RACGAP1: variants seen among roughly 807,000 people sequenced by gnomAD.
The protein encoded by RACGAP1 is Rac GTPase activating protein 1, also known as rac GTPase-activating protein 1.
In RACGAP1, 30 loss-of-function variants were observed where a neutral mutation model predicts 78.1. That is an observed-to-expected ratio of 0.38 (90% CI 0.29 to 0.52). The LOEUF (loss-of-function observed/expected upper bound fraction) is 0.52, where lower values mean the gene tolerates loss of function less well. Ranked by LOEUF, RACGAP1 falls within the 20% of genes least tolerant of loss-of-function variation. The pLI, the probability that RACGAP1 is intolerant of heterozygous loss-of-function variation, is 0.82. For synonymous variants in RACGAP1, 231 were observed against 264.8 expected (o/e 0.87, Z 1.24); for missense variants, 587 against 777.1 (o/e 0.76, Z 2.91).
chr12:50,002,405 A>C, intron 5 of RACGAP1, 105 bp from the exon 6 acceptor site: 1 of 883,018 alleles, frequency 1.1e-6, no homozygotes, highest in Non-Finnish European at 1.8e-6. Flanking sequence ...CAGTCAGGCT[A>C]CCTAACGTAC....
intron 2 of RACGAP1, among the ~76,000 whole-genome samples, chr12:50,007,765 C>A (rs187286238): frequency 6.6e-6 from 1 of 152,034 alleles, no homozygotes; most frequent in Admixed American, 6.6e-5. Context: ...TTTTACAAAC[C>A]ACAAATTTCA....
intron 12 of RACGAP1, among the ~76,000 whole-genome samples, chr12:49,993,774 C>T (rs1301221175): frequency 7.1e-6 from 1 of 141,002 alleles, no homozygotes; most frequent in Non-Finnish European, 1.5e-5. Flanking sequence ...AGGCTGGGCA[C>T]GGTGGCTCAC....
chr12:49,993,746 T>TA (rs34663027), intron 12 of RACGAP1, among the ~76,000 whole-genome samples: 104,360 of 130,582 alleles, frequency 0.8, 43,842 homozygotes, highest in East Asian at 0.95. Context: ...GACTCCGTCT[T>TA]AAAAAAAAAA....
At chr12:50,011,418 A>G (rs1949323000) in intron 2 of RACGAP1, among the ~76,000 whole-genome samples, 2 of 152,008 alleles carry the variant, frequency 1.3e-5, no homozygotes, top group African/African-American at 2.4e-5. Context: ...ACACAGGGTC[A>G]CTTTAGTTCC....
In RACGAP1 at chr12:49,998,881, G is replaced by A. The variant is rs1948474903; in HGVS notation, c.879+260C>T. 4.6e-5 allele frequency among the ~76,000 whole-genome samples: 7 copies of A among 151,818 alleles called. 1 individual carries two copies. In the South Asian group the frequency reaches 1.5e-3, roughly 32 times the overall value. On this transcript the variant is annotated intron_variant, in intron 9 of 16. Transcript: ENST00000312377. ...CCCCTGCACTCCAGCCTGGGTGACA[G>A]AGTAAGACTCTGTCTCAAATTAAAA... is the stretch of plus-strand genomic sequence containing the variant.
chr12:49,999,054 A>T, intron 9 of RACGAP1, 87 bp downstream of exon 9: 1 of 1,410,500 alleles, frequency 7.1e-7, no homozygotes, highest in East Asian at 2.6e-5. Flanking sequence ...ATTTAACTTT[A>T]TAACACTAAA....
intron 1 of RACGAP1, among the ~76,000 whole-genome samples, chr12:50,022,195 T>C (rs952508525): frequency 9.2e-5 from 14 of 152,244 alleles, no homozygotes; most frequent in Admixed American, 6.5e-5. Flanking sequence ...TCCCTAACCA[T>C]TTCAGTCCAA....
At chr12:50,001,112 C>A in intron 7 of RACGAP1, 60 bp downstream of exon 7, 2 of 1,311,046 alleles carry the variant, frequency 1.5e-6, no homozygotes, top group Non-Finnish European at 2.2e-6. Flanking sequence ...AATGCTGACT[C>A]AGAGAAGTTT....
chr12:50,000,342 G>T (rs1299242446), intron 7 of RACGAP1, among the ~76,000 whole-genome samples: 1 of 151,678 alleles, frequency 6.6e-6, no homozygotes, highest in African/African-American at 2.4e-5. Flanking sequence ...AGTAGAGACG[G>T]GATTTCGCCA....
chr12:50,000,946 G>A (rs1459892390), intron 7 of RACGAP1, among the ~76,000 whole-genome samples: 5 of 152,216 alleles, frequency 3.3e-5, no homozygotes, highest in Admixed American at 3.3e-4. Flanking sequence ...TACGTGGGAG[G>A]CTGAGACAAG....
intron 1 of RACGAP1, among the ~76,000 whole-genome samples, chr12:50,020,016 C>G (rs1054250954): frequency 2.0e-5 from 3 of 152,218 alleles, no homozygotes; most frequent in African/African-American, 7.2e-5. Context: ...TGTTTTCCCC[C>G]CTAGGCTGTC....
At chr12:50,025,536 G>T (rs1038767971), upstream of RACGAP1, 12 of 985,368 alleles carry the variant, frequency 1.2e-5, no homozygotes, top group Admixed American at 6.1e-5. Context: ...CTCCCGCGCC[G>T]TCCCTCTACG....
chr12:50,025,464 A>G lies in RACGAP1; in HGVS notation c.-71T>C, dbSNP rs896391408. The G allele has an allele frequency of 3.0e-6, 3 of 985,580 alleles. No individual in the cohort carries two copies. Among genetic ancestry groups the G allele is most frequent in the Non-Finnish European group, 3.6e-6 (3 of 830,144 alleles). The allele number at this position is 985,580 out of a possible 1,614,324, so 61.1% of individuals were successfully genotyped here. The stretch of plus-strand genomic sequence containing the variant: ...TCCGCGCCTCACCCAACGGCAGAGC[A>G]GCGCCGCGCCCACAGCTCCGGTTTG... On this transcript the variant is annotated 5_prime_UTR_variant, in exon 1 of 17. Coordinates refer to ENST00000312377, the MANE Select transcript of RACGAP1 (RefSeq NM_001319999.2).
Position 50,025,368 on chromosome 12 carries a change from C to A in RACGAP1, c.-5+30G>T, listed in dbSNP as rs950682393. The stretch of plus-strand genomic sequence containing the variant: ...CTTCCTATCACAATCCAGCGGCAGA[C>A]GCACCTGGTCTGGCACCCCCACTAC... On this transcript the variant is annotated intron_variant, in intron 1 of 16. Coordinates refer to ENST00000312377, the MANE Select transcript of RACGAP1 (RefSeq NM_001319999.2). The A allele has an allele frequency of 1.0e-5, 10 of 985,618 alleles. No homozygotes were observed. The African/African-American group carries it at 1.7e-4, about 17-fold the overall frequency. The allele number at this position is 985,618 out of a possible 1,614,324, so 61.1% of individuals were successfully genotyped here.
At chr12:50,030,033 G>A (rs1180088834), upstream of RACGAP1, among the ~76,000 whole-genome samples, 3 of 152,218 alleles carry the variant, frequency 2.0e-5, no homozygotes, top group Admixed American at 6.5e-5. Context: ...TGCTTTGGGA[G>A]GCTGAGACGA....
intron 15 of RACGAP1, 151 bp downstream of exon 15, chr12:49,991,847 G>T (rs1216899779): frequency 6.8e-7 from 1 of 1,464,438 alleles, no homozygotes; most frequent in Non-Finnish European, 9.0e-7. Flanking sequence ...GGAGAACATG[G>T]AAAAGCAAAA....
rs1948903127 is a variant in RACGAP1 at position 50,005,258 on chromosome 12, T to C, written c.423A>G (p.Lys141=). The C allele has an allele frequency of 6.2e-7, 1 of 1,614,060 alleles. No homozygotes were observed. The highest frequency in any genetic ancestry group is 8.5e-7 in the Non-Finnish European group (1 of 1,179,976). Residue 141 remains lysine (K), a splice_region_variant and synonymous_variant, in exon 4 of 17, where the codon AAA becomes AAG. Coordinates refer to ENST00000312377, the MANE Select transcript of RACGAP1 (RefSeq NM_001319999.2). The stretch of plus-strand genomic sequence containing the variant: ...AACAACAGATGCAGTTCCTCCACCT[T>C]TTGTTCCCAGCATTGCTGCTGGATG... The part of the protein sequence containing the change: ...GQPSSSNAGN[K]RLSTIDESGS...
chr12:50,016,519 T>C, intron 2 of RACGAP1, 112 bp downstream of exon 2: 1 of 1,146,248 alleles, frequency 8.7e-7, no homozygotes. Flanking sequence ...GCTTTCTTTT[T>C]AGGTAACCCA....
intron 5 of RACGAP1, among the ~76,000 whole-genome samples, chr12:50,003,446 T>C (rs959851169): frequency 3.8e-4 from 58 of 152,236 alleles, no homozygotes; most frequent in African/African-American, 1.4e-3. Flanking sequence ...ATCTATAAAA[T>C]GGCCGTATTT....
Sources: allele counts gnomAD v4.1 joint callset (sites outside exome capture counted in the v4.1 genomes callset), GRCh38; gene constraint gnomAD v4.1.1; transcripts MANE v1.5; gene names NCBI Gene and HGNC (gene_info 2026-07-23, HGNC 2026-07-21).